The following NDFIP2 variants were observed in gnomAD, a reference collection of about 807,000 sequenced individuals.
NDFIP2 encodes the protein NEDD4 family-interacting protein 2.
In NDFIP2, 19 loss-of-function variants were observed where a neutral mutation model predicts 36.0. The ratio of observed to expected loss-of-function variants is 0.53; its 90% CI spans 0.37 to 0.77. NDFIP2 has a LOEUF of 0.77. NDFIP2 is among the 30% of genes least tolerant of loss of function. The pLI, the probability that NDFIP2 is intolerant of heterozygous loss-of-function variation, is 0.00. For missense variants in NDFIP2, 446 were observed against 435.8 expected (o/e 1.02, Z -0.21); for synonymous variants, 181 against 167.7 (o/e 1.08, Z -0.61).
rs1261137500 is a variant in NDFIP2, at chr13:79,481,321, G to T, written c.118G>T (p.Ala40Ser). The change falls in exon 1 of 8, where the codon GCT becomes TCT. Residue 40 changes from alanine to serine, a missense_variant. Physicochemically the swap from Ala to Ser is moderately conservative, Grantham distance 99. Transcript: ENST00000218652. ...TATNAEVSAA[A>S]AGATGSEELP... is the part of the protein sequence containing the mutation. ...GACCAACGCGGAGGTCTCGGCGGCC[G>T]CTGCGGGAGCCACAGGAAGTGAAGA... 2 of 1,543,770 alleles carry T rather than the reference G, an allele frequency of 1.3e-6. No homozygotes were observed. Among genetic ancestry groups the T allele is most frequent in the Non-Finnish European group, 8.7e-7 (1 of 1,146,690 alleles).
Position 79,481,505 on chromosome 13 carries a change from G to A in NDFIP2, c.302G>A (p.Gly101Glu). Residue 101 changes from glycine to glutamate, a missense_variant, in exon 1 of 8, where the codon GGG (glycine) becomes GAG (glutamate). Coordinates refer to ENST00000218652, the MANE Select transcript of NDFIP2 (RefSeq NM_019080.3). The part of the protein sequence containing the change: ...EPGRMDHHQP[G>E]TGRYQVLLNE... ...GGCAGGATGGATCACCACCAGCCGG[G>A]GACTGGGCGCTACCAGGTGGTGAGT... 2 of 1,553,462 alleles carry A rather than the reference G, an allele frequency of 1.3e-6. No individual in the cohort carries two copies. Among genetic ancestry groups the A allele is most frequent in the Non-Finnish European group, 1.7e-6 (2 of 1,148,332 alleles).
intron 7 of NDFIP2, 25 bp downstream of exon 7, chr13:79,551,147 C>T: frequency 7.0e-7 from 1 of 1,437,408 alleles, no homozygotes; most frequent in Non-Finnish European, 9.6e-7. Flanking sequence ...TCTGTGAACT[C>T]TGCCTATTCC....
At chr13:79,539,096 A>G (rs142416596) in intron 3 of NDFIP2, among the ~76,000 whole-genome samples, 1 of 152,172 alleles carries the variant, frequency 6.6e-6, no homozygotes, top group Non-Finnish European at 1.5e-5. Context: ...CTTGGGGAGA[A>G]TTGTCTCCTA....
intron 5 of NDFIP2, among the ~76,000 whole-genome samples, chr13:79,545,114 T>TTG (rs1220438540): frequency 7.2e-5 from 11 of 152,166 alleles, no homozygotes; most frequent in Admixed American, 6.5e-4. Context: ...AAGTCCAATG[T>TTG]TGATTATGAT....
At chr13:79,497,660 G>GTTTTTTTTTTTTTTTTTTTTTTT (rs1282594237) in intron 1 of NDFIP2, among the ~76,000 whole-genome samples, 1 of 126,734 alleles carries the variant, frequency 7.9e-6, no homozygotes, top group Non-Finnish European at 1.7e-5. Flanking sequence ...AGATTTCTGA[G>GTTTTTTTTTTTTTTTTTTTTTTT]TTTTTTTTTT....
chr13:79,513,179 A>T (rs934027097), intron 1 of NDFIP2, among the ~76,000 whole-genome samples: 1 of 152,172 alleles, frequency 6.6e-6, no homozygotes, highest in South Asian at 2.1e-4. Context: ...ATCCTGATTA[A>T]TGTAGTTGGG....
chr13:79,534,039 A>T (rs1008655468), intron 3 of NDFIP2, among the ~76,000 whole-genome samples: 2 of 152,012 alleles, frequency 1.3e-5, no homozygotes, highest in Non-Finnish European at 2.9e-5. Context: ...ATCCCTTCCT[A>T]AATTTTGATT....
intron 1 of NDFIP2, among the ~76,000 whole-genome samples, chr13:79,487,432 G>T (rs1489925291): frequency 6.6e-6 from 1 of 151,998 alleles, no homozygotes; most frequent in Non-Finnish European, 1.5e-5. Flanking sequence ...TTGATATTTG[G>T]GTTTTTAGTT....
intron 1 of NDFIP2, among the ~76,000 whole-genome samples, chr13:79,492,516 C>G (rs922656884): frequency 6.6e-6 from 1 of 152,102 alleles, no homozygotes; most frequent in African/African-American, 2.4e-5. Context: ...GGTCTTCCCC[C>G]TCAGCCTCCC....
intron 2 of NDFIP2, among the ~76,000 whole-genome samples, chr13:79,523,684 T>C (rs1874679190): frequency 6.6e-6 from 1 of 152,230 alleles, no homozygotes; most frequent in Non-Finnish European, 1.5e-5. Context: ...ATACCCACTC[T>C]TCTTCATGTG....
chr13:79,526,532 G>A (rs1163898479), intron 2 of NDFIP2, among the ~76,000 whole-genome samples: 1 of 152,170 alleles, frequency 6.6e-6, no homozygotes, highest in Non-Finnish European at 1.5e-5. Context: ...GGGAATGTTA[G>A]CAGGTCAACA....
intron 1 of NDFIP2, among the ~76,000 whole-genome samples, chr13:79,501,532 C>G (rs1474016588): frequency 6.6e-6 from 1 of 151,986 alleles, no homozygotes; most frequent in Non-Finnish European, 1.5e-5. Context: ...TGATTGCTAA[C>G]TTTGAGAGAG....
chr13:79,485,560 C>A (rs1048207512), intron 1 of NDFIP2, among the ~76,000 whole-genome samples: 3 of 152,160 alleles, frequency 2.0e-5, no homozygotes, highest in Non-Finnish European at 2.9e-5. Flanking sequence ...CAGCCTTATT[C>A]CTTTGATCGT....
intron 2 of NDFIP2, among the ~76,000 whole-genome samples, chr13:79,528,897 G>GT: frequency 6.6e-6 from 1 of 152,288 alleles, no homozygotes; most frequent in African/African-American, 2.4e-5. Context: ...ATCTGTGTTA[G>GT]TAAGTGATGC....
Position 79,555,078 on chromosome 13 carries a change from A to G in NDFIP2, c.*2565A>G, listed in dbSNP as rs1876058585. The stretch of plus-strand genomic sequence containing the variant: ...CTAATCTTTAGCCTATTTTGAGTCT[A>G]TAAGATATATTTCATTTTAGACATG... On this transcript the variant is annotated 3_prime_UTR_variant, in exon 8 of 8. Transcript: ENST00000218652. 1.3e-5 allele frequency: 2 copies of G among 151,744 alleles called. No homozygotes were observed. Among genetic ancestry groups the G allele is most frequent in the African/African-American group, 4.8e-5 (2 of 41,446 alleles). 9.4% of individuals were successfully genotyped at this position (151,744 alleles called of 1,614,324 possible). A position where few individuals can be genotyped will look rare whatever the true frequency, so the allele number is the denominator to read the frequency against.
At chr13:79,496,559 G>T (rs1873439796) in intron 1 of NDFIP2, among the ~76,000 whole-genome samples, 1 of 151,810 alleles carries the variant, frequency 6.6e-6, no homozygotes, top group Admixed American at 6.6e-5. Flanking sequence ...GCTTACTAAA[G>T]TTGAATTTGT....
intron 2 of NDFIP2, among the ~76,000 whole-genome samples, chr13:79,526,030 A>G (rs1874782220): frequency 6.6e-6 from 1 of 152,210 alleles, no homozygotes; most frequent in African/African-American, 2.4e-5. Flanking sequence ...TCTATAACTT[A>G]TGCTCTTAGC....
chr13:79,530,765 C>T (rs1463598624), intron 2 of NDFIP2, among the ~76,000 whole-genome samples: 1 of 152,152 alleles, frequency 6.6e-6, no homozygotes, highest in Non-Finnish European at 1.5e-5. Flanking sequence ...CATTTTCAGG[C>T]CTCACTTCTG....
chr13:79,541,397 A>G (rs1594858789), intron 4 of NDFIP2, among the ~76,000 whole-genome samples: 1 of 151,204 alleles, frequency 6.6e-6, no homozygotes, highest in Non-Finnish European at 1.5e-5. Flanking sequence ...ATTAGTTAAT[A>G]TAATGTAAAT....
Sources: allele counts gnomAD v4.1 joint callset (sites outside exome capture counted in the v4.1 genomes callset), GRCh38; gene constraint gnomAD v4.1.1; transcripts MANE v1.5; gene names NCBI Gene and HGNC (gene_info 2026-07-23, HGNC 2026-07-21).